Variants in ADAMTSL3 observed in about 807,000 individuals in gnomAD.
ADAMTSL3 encodes the protein ADAMTS-like protein 3.
ADAMTSL3 carries 128 observed loss-of-function variants against 201.7 expected under a neutral mutation model. The ratio of observed to expected loss-of-function variants is 0.63; its 90% confidence interval spans 0.55 to 0.73. The LOEUF is 0.73. Among genes scored for constraint, ADAMTSL3 ranks in the 30% least tolerant of loss-of-function variants. The probability of loss-of-function intolerance (pLI) is 0.00; values close to 1 mark genes in which losing one functional copy is unlikely to be tolerated. For missense variants in ADAMTSL3, 1,990 were observed against 2,119.6 expected (o/e 0.94, Z 1.20); for synonymous variants, 738 against 748.4 (o/e 0.99, Z 0.23).
At chr15:84,022,217 A>C (rs2068217373) in intron 26 of ADAMTSL3, among the ~76,000 whole-genome samples, 2 of 151,980 alleles carry the variant, frequency 1.3e-5, no homozygotes, top group Non-Finnish European at 2.9e-5. Flanking sequence ...TTACCACTAA[A>C]GTCCAAGCCG....
chr15:83,928,656 A>G (rs551465482), intron 17 of ADAMTSL3, among the ~76,000 whole-genome samples: 2 of 152,336 alleles, frequency 1.3e-5, no homozygotes, highest in South Asian at 4.1e-4. Flanking sequence ...GTGTCATCAT[A>G]TAATTTTTTC....
chr15:83,692,685 C>CAA (rs766382952), intron 2 of ADAMTSL3, among the ~76,000 whole-genome samples: 10,369 of 41,940 alleles, frequency 0.25, 1,303 homozygotes, highest in East Asian at 0.41. Flanking sequence ...GACTCCATCT[C>CAA]AAAAAAAAAA....
At chr15:84,033,239 T>G (rs2068440979) in intron 28 of ADAMTSL3, among the ~76,000 whole-genome samples, 1 of 151,994 alleles carries the variant, frequency 6.6e-6, no homozygotes, top group Non-Finnish European at 1.5e-5. Flanking sequence ...ACAGCCAGAG[T>G]GAGTTTTCCC....
intron 18 of ADAMTSL3, 24 bp from the exon 19 acceptor site, chr15:83,942,879 C>T: frequency 5.0e-6 from 8 of 1,607,976 alleles, no homozygotes; most frequent in Non-Finnish European, 6.8e-6. Context: ...AAGCCTGCCG[C>T]CTCACCCCCT....
intron 3 of ADAMTSL3, among the ~76,000 whole-genome samples, chr15:83,721,857 T>G (rs1012629961): frequency 1.3e-5 from 2 of 152,104 alleles, no homozygotes; most frequent in African/African-American, 4.8e-5. Context: ...TTCAGCCTCC[T>G]GAGTAGCTGG....
intron 3 of ADAMTSL3, among the ~76,000 whole-genome samples, chr15:83,727,319 T>C (rs1010724695): frequency 2.0e-5 from 3 of 151,956 alleles, no homozygotes; most frequent in African/African-American, 7.2e-5. Flanking sequence ...TTGATTTTGT[T>C]TATCTTTTCA....
intron 26 of ADAMTSL3, among the ~76,000 whole-genome samples, chr15:84,022,987 A>G (rs957304693): frequency 4.6e-5 from 7 of 152,178 alleles, no homozygotes; most frequent in African/African-American, 1.7e-4. Context: ...TTAGCCCTCC[A>G]AAGTAAATCA....
At chr15:83,715,511 C>G (rs1486695847) in intron 3 of ADAMTSL3, among the ~76,000 whole-genome samples, 6 of 152,178 alleles carry the variant, frequency 3.9e-5, no homozygotes, top group African/African-American at 7.2e-5. Flanking sequence ...AAGTCCTTCT[C>G]CTCTGCACCC....
At chr15:83,683,471 C>T (rs945424870) in intron 2 of ADAMTSL3, among the ~76,000 whole-genome samples, 8 of 152,210 alleles carry the variant, frequency 5.3e-5, no homozygotes, top group Non-Finnish European at 8.8e-5. Context: ...CTACACATGT[C>T]TTTTCTCCTT....
chr15:83,882,111 G>A (rs748613572), intron 9 of ADAMTSL3, among the ~76,000 whole-genome samples: 26 of 152,180 alleles, frequency 1.7e-4, no homozygotes, highest in Non-Finnish European at 2.5e-4. Flanking sequence ...AGCCGAGATC[G>A]CGCCACTGCA....
At chr15:83,877,110 A>T (rs544213494) in intron 9 of ADAMTSL3, among the ~76,000 whole-genome samples, 37 of 149,388 alleles carry the variant, frequency 2.5e-4, no homozygotes, top group South Asian at 1.3e-3. Flanking sequence ...AACAAAAAAA[A>T]TTTTTTTTTT....
intron 2 of ADAMTSL3, among the ~76,000 whole-genome samples, chr15:83,664,040 A>G (rs2061213873): frequency 6.6e-6 from 1 of 152,098 alleles, no homozygotes. Context: ...GGCAGCCTCC[A>G]TCTCTCCAGA....
intron 3 of ADAMTSL3, among the ~76,000 whole-genome samples, chr15:83,723,782 T>C (rs1434789461): frequency 2.0e-5 from 3 of 152,112 alleles, no homozygotes; most frequent in African/African-American, 7.2e-5. Flanking sequence ...GTTGTGGAAT[T>C]AAGAGTGTTT....
At chr15:83,994,601 T>G (rs1354100490) in intron 23 of ADAMTSL3, among the ~76,000 whole-genome samples, 6 of 131,652 alleles carry the variant, frequency 4.6e-5, no homozygotes, top group African/African-American at 1.4e-4. Flanking sequence ...TTTTTTTTTT[T>G]TTTTTTTTTT....
chr15:83,754,401 G>A (rs945092000), intron 3 of ADAMTSL3, among the ~76,000 whole-genome samples: 7 of 152,020 alleles, frequency 4.6e-5, no homozygotes, highest in African/African-American at 1.7e-4. Flanking sequence ...AGCGTTCACC[G>A]GAGAGAGCTG....
chr15:83,654,967 G>T lies in ADAMTSL3; in HGVS notation c.-34+691G>T, dbSNP rs2061057380. On this transcript the variant is annotated intron_variant, in intron 1 of 29. Transcript: ENST00000286744. The surrounding 1 kb of genome is among the most constrained non-coding windows in gnomAD (Gnocchi z 5.3). ...GCCCCCGGACACCAGCTCCGCCAAG[G>T]CGCCCGCGAGGCGAAGCGGGAGTCG... Among the ~76,000 whole-genome samples, 1 of 152,200 alleles carries T rather than the reference G, an allele frequency of 6.6e-6. No individual in the cohort carries two copies. Among genetic ancestry groups the T allele is most frequent in the Admixed American group, 6.5e-5 (1 of 15,280 alleles).
intron 7 of ADAMTSL3, among the ~76,000 whole-genome samples, chr15:83,847,338 G>C (rs1490655755): frequency 6.6e-6 from 1 of 152,144 alleles, no homozygotes; most frequent in Non-Finnish European, 1.5e-5. Context: ...TCCTCCAGCT[G>C]CAGAATCAGT....
intron 23 of ADAMTSL3, among the ~76,000 whole-genome samples, chr15:83,998,263 A>G (rs913025085): frequency 2.0e-5 from 3 of 152,168 alleles, no homozygotes; most frequent in Non-Finnish European, 4.4e-5. Flanking sequence ...AGCCTGGCCA[A>G]CATGGTAAAA....
At chr15:84,022,617 C>T (rs2068224437) in intron 26 of ADAMTSL3, among the ~76,000 whole-genome samples, 2 of 152,236 alleles carry the variant, frequency 1.3e-5, no homozygotes, top group African/African-American at 4.8e-5. Flanking sequence ...AAATTCCCAG[C>T]ACTGGGGTTG....
Sources: allele counts gnomAD v4.1 joint callset (sites outside exome capture counted in the v4.1 genomes callset), GRCh38; gene constraint gnomAD v4.1.1; non-coding constraint Gnocchi (gnomAD v3.1); transcripts MANE v1.5; gene names NCBI Gene and HGNC (gene_info 2026-07-23, HGNC 2026-07-21).